UBE2E2: variants seen among roughly 807,000 people sequenced by gnomAD.
UBE2E2 encodes the protein ubiquitin conjugating enzyme E2 E2, also known as ubiquitin-conjugating enzyme E2 E2.
Under a neutral mutation model 24.7 loss-of-function variants are expected in UBE2E2, and 6 were observed. The ratio of observed to expected loss-of-function variants is 0.24; its 90% confidence interval spans 0.13 to 0.48. The LOEUF (loss-of-function observed/expected upper bound fraction) is 0.48. Ranked by LOEUF, UBE2E2 falls within the 20% of genes least tolerant of loss-of-function variation. The probability of loss-of-function intolerance (pLI) is 0.99; values close to 1 mark genes in which losing one functional copy is unlikely to be tolerated. For synonymous variants in UBE2E2, 104 were observed against 83.6 expected (o/e 1.24, Z -1.33); for missense variants, 169 against 245.0 (o/e 0.69, Z 2.07).
rs143002966 is a variant in UBE2E2, at chr3:23,350,823, T to A, written c.227+133511T>A. On this transcript the variant is annotated intron_variant, in intron 3 of 5. Transcript: ENST00000396703. ...TGGGAAAACACTCTACAGGATATTGTCCAGGAGAACTTCCCCAATCTAGCA... is the reference window on the plus strand; with the variant it reads ...TGGGAAAACACTCTACAGGATATTGACCAGGAGAACTTCCCCAATCTAGCA... Among the ~76,000 whole-genome samples the A allele has an allele frequency of 2.4e-3, 358 of 152,266 alleles. 1 individual carries two copies. The highest frequency in any genetic ancestry group is 7.6e-3 in the African/African-American group (316 of 41,542).
At chr3:23,313,965 A>G (rs2125280800) in intron 3 of UBE2E2, among the ~76,000 whole-genome samples, 1 of 152,306 alleles carries the variant, frequency 6.6e-6, no homozygotes, top group South Asian at 2.1e-4. Flanking sequence ...CTTGTAAATA[A>G]TATAACCATT....
chr3:23,547,542 A>G (rs1874913), intron 5 of UBE2E2, among the ~76,000 whole-genome samples: 46,344 of 152,114 alleles, frequency 0.3, 7,719 homozygotes, highest in East Asian at 0.49. Context: ...TAAGCTTGTT[A>G]TTGGTAAATG....
intron 3 of UBE2E2, among the ~76,000 whole-genome samples, chr3:23,314,965 T>C (rs570030976): frequency 5.9e-5 from 9 of 152,364 alleles, no homozygotes; most frequent in African/African-American, 1.9e-4. Context: ...TATAAACTTC[T>C]TGTACTTGAA....
In UBE2E2 at chr3:23,257,512, G is replaced by GCCCCCCCCC. The variant is rs5847227; in HGVS notation, c.227+40208_227+40216dup. Reference sequence around the variant, plus strand: ...GGAATTTCTTCTGGCTGTTTCCCGTGCCCCCCCCCCCCCCCCACTTTTTTT... The same window carrying GCCCCCCCCC: ...GGAATTTCTTCTGGCTGTTTCCCGTGCCCCCCCCCCCCCCCCCCCCCCCCCACTTTTTTT... On this transcript the variant is annotated intron_variant, in intron 3 of 5. Coordinates refer to ENST00000396703, the MANE Select transcript of UBE2E2 (RefSeq NM_152653.4). 5.1e-4 allele frequency among the ~76,000 whole-genome samples: 16 copies of GCCCCCCCCC among 31,154 alleles called. 1 individual carries two copies. Among genetic ancestry groups the GCCCCCCCCC allele is most frequent in the Non-Finnish European group, 5.3e-4 (9 of 16,942 alleles). 20.4% of individuals were successfully genotyped at this position (31,154 alleles called of 152,430 possible). A position where few individuals can be genotyped will look rare whatever the true frequency, so the allele number is the denominator to read the frequency against.
intron 1 of UBE2E2, chr3:23,204,820 T>A: frequency 1.1e-6 from 1 of 910,822 alleles, no homozygotes. Flanking sequence ...TTTAGAAACA[T>A]GAGTAGGAAG....
intron 3 of UBE2E2, among the ~76,000 whole-genome samples, chr3:23,326,767 G>A (rs542416646): frequency 1.5e-4 from 23 of 152,192 alleles, no homozygotes; most frequent in Non-Finnish European, 2.9e-4. Flanking sequence ...TTGGTGCGCT[G>A]CACCCATTAA....
intron 5 of UBE2E2, among the ~76,000 whole-genome samples, chr3:23,547,819 C>CT (rs1220901114): frequency 6.6e-6 from 1 of 152,162 alleles, no homozygotes; most frequent in Non-Finnish European, 1.5e-5. Flanking sequence ...TCAGAATGTA[C>CT]TACCTTCTGA....
At chr3:23,581,042 A>G (rs1299638047) in intron 5 of UBE2E2, among the ~76,000 whole-genome samples, 1 of 152,052 alleles carries the variant, frequency 6.6e-6, no homozygotes, top group Non-Finnish European at 1.5e-5. Flanking sequence ...AAATGGTGAA[A>G]TTGTTGGTCC....
intron 3 of UBE2E2, among the ~76,000 whole-genome samples, chr3:23,226,176 G>A (rs963890968): frequency 2.0e-5 from 3 of 152,122 alleles, no homozygotes; most frequent in African/African-American, 7.2e-5. Flanking sequence ...ACTGCGCCTG[G>A]CCGAAAAGTG....
intron 3 of UBE2E2, among the ~76,000 whole-genome samples, chr3:23,296,199 A>T (rs1253184191): frequency 1.3e-5 from 2 of 152,172 alleles, no homozygotes; most frequent in African/African-American, 4.8e-5. Context: ...TCTAAAACTC[A>T]TGATCTTATT....
chr3:23,585,844 G>A (rs1696613293), intron 5 of UBE2E2, among the ~76,000 whole-genome samples: 1 of 150,364 alleles, frequency 6.7e-6, no homozygotes, highest in African/African-American at 2.4e-5. Context: ...TTGGAGCCTG[G>A]CTTGGATGGC....
intron 5 of UBE2E2, among the ~76,000 whole-genome samples, chr3:23,544,809 G>A (rs1413133134): frequency 3.9e-5 from 6 of 152,162 alleles, no homozygotes; most frequent in African/African-American, 1.2e-4. Context: ...GGAGGATCCC[G>A]CCAGCCTCTG....
At chr3:23,219,920 G>A (rs1696579403) in intron 3 of UBE2E2, among the ~76,000 whole-genome samples, 1 of 152,066 alleles carries the variant, frequency 6.6e-6, no homozygotes, top group African/African-American at 2.4e-5. Flanking sequence ...TCCTATTTTC[G>A]GGAACCTTAA....
chr3:23,493,643 TTAAA>T (rs1470086441), intron 3 of UBE2E2, among the ~76,000 whole-genome samples: 6 of 152,234 alleles, frequency 3.9e-5, no homozygotes, highest in Non-Finnish European at 5.9e-5. Context: ...AATCCTGTTG[TTAAA>T]TAAACATTCT....
intron 3 of UBE2E2, among the ~76,000 whole-genome samples, chr3:23,351,082 C>A (rs1695734482): frequency 6.6e-6 from 1 of 152,210 alleles, no homozygotes; most frequent in African/African-American, 2.4e-5. Flanking sequence ...GACAAATATT[C>A]AACATTCCTA....
rs1259519334 is a variant in UBE2E2 at position 23,382,553 on chromosome 3, A to G, written c.228-117055A>G. Among the ~76,000 whole-genome samples, 4 of 152,226 alleles carry G rather than the reference A, an allele frequency of 2.6e-5. No individual in the cohort carries two copies. In the South Asian group the frequency reaches 8.3e-4, roughly 32 times the overall value. ...TGGCATATTTGGGAGAGAAGTTGAT[A>G]TTCATATTTTAAAATAACTCCAAAT... is the stretch of plus-strand genomic sequence containing the variant. On this transcript the variant is annotated intron_variant, in intron 3 of 5. Coordinates refer to ENST00000396703, the MANE Select transcript of UBE2E2 (RefSeq NM_152653.4).
At chr3:23,256,613 TA>T (rs1559458710) in intron 3 of UBE2E2, among the ~76,000 whole-genome samples, 1 of 150,796 alleles carries the variant, frequency 6.6e-6, no homozygotes, top group Admixed American at 6.7e-5. Context: ...AAGCAATTAA[TA>T]AAATCCCTTT....
At chr3:23,469,019 T>C (rs1170422858) in intron 3 of UBE2E2, among the ~76,000 whole-genome samples, 1 of 152,186 alleles carries the variant, frequency 6.6e-6, no homozygotes, top group Non-Finnish European at 1.5e-5. Flanking sequence ...CTCTTAGTTT[T>C]GGGCAGGTAT....
intron 3 of UBE2E2, among the ~76,000 whole-genome samples, chr3:23,301,915 G>A (rs180870444): frequency 7.1e-6 from 1 of 141,240 alleles, no homozygotes; most frequent in African/African-American, 3.2e-5. Flanking sequence ...CTTCCTTAAT[G>A]TTTCTTCGCT....
Sources: gnomAD v4.1 joint callset for allele counts (sites outside exome capture counted in the v4.1 genomes callset) on GRCh38, gnomAD v4.1.1 for gene constraint, MANE v1.5 for transcripts, NCBI Gene and HGNC (gene_info 2026-07-23, HGNC 2026-07-21) for gene names.